The following PRDM5 variants were observed in gnomAD, a reference collection of about 807,000 sequenced individuals.
The protein encoded by PRDM5 is PR/SET domain 5.
A neutral mutation model predicts 81.2 loss-of-function variants in PRDM5; 56 were observed. The ratio of observed to expected loss-of-function variants is 0.69; its 90% confidence interval spans 0.56 to 0.86. The LOEUF (loss-of-function observed/expected upper bound fraction) is 0.86, where lower values mean the gene tolerates loss of function less well. Among genes scored for constraint, PRDM5 ranks in the 40% least tolerant of loss-of-function variants. The pLI, the probability that PRDM5 is intolerant of heterozygous loss-of-function variation, is 0.00. For synonymous variants in PRDM5, 267 were observed against 256.4 expected, an observed-to-expected ratio of 1.04 and a Z score of -0.39; for missense variants, 697 against 770.1, an observed-to-expected ratio of 0.91 and a Z score of 1.12.
In PRDM5 at chr4:120,739,696, C is replaced by A. The variant is rs951905884; in HGVS notation, c.1623+14857G>T. ...ACTTTAAAATTTCACCTTTTACTCT[C>A]AAAGCCTATCAAAATCCAGAGAACC... On this transcript the variant is annotated intron_variant, in intron 14 of 15. Transcript: ENST00000264808. Among the ~76,000 whole-genome samples, 4 of 151,628 alleles carry A rather than the reference C, an allele frequency of 2.6e-5. No homozygotes were observed. In the Admixed American group the frequency reaches 2.6e-4, roughly 10 times the overall value.
At chr4:120,805,624 A>G (rs1016149834) in intron 8 of PRDM5, among the ~76,000 whole-genome samples, 5 of 152,246 alleles carry the variant, frequency 3.3e-5, no homozygotes, top group African/African-American at 1.2e-4. Context: ...CAATAGATAC[A>G]GAAAAGGCCT....
intron 14 of PRDM5, among the ~76,000 whole-genome samples, chr4:120,728,344 T>C (rs1365445189): frequency 6.6e-6 from 1 of 152,152 alleles, no homozygotes; most frequent in Non-Finnish European, 1.5e-5. Context: ...GAAAATGTAT[T>C]TGGGAAATTG....
intron 3 of PRDM5, among the ~76,000 whole-genome samples, chr4:120,849,412 C>T (rs1759013196): frequency 6.6e-6 from 1 of 152,170 alleles, no homozygotes; most frequent in Admixed American, 6.6e-5. Flanking sequence ...TCTAAACTGA[C>T]AGCAGAATTG....
At chr4:120,854,577 CAACA>C (rs1323746818) in intron 2 of PRDM5, among the ~76,000 whole-genome samples, 1 of 152,052 alleles carries the variant, frequency 6.6e-6, no homozygotes, top group Non-Finnish European at 1.5e-5. Flanking sequence ...TTTGTTCATT[CAACA>C]AACAATTATT....
At chr4:120,918,506 A>G (rs1297527679) in intron 1 of PRDM5, among the ~76,000 whole-genome samples, 2 of 152,010 alleles carry the variant, frequency 1.3e-5, no homozygotes, top group Non-Finnish European at 2.9e-5. Flanking sequence ...TTTCCTCTAC[A>G]GGCTTTTATT....
In PRDM5 at chr4:120,754,479, A is replaced by G. The variant is rs904049507; in HGVS notation, c.1623+74T>C. 10 of 1,033,332 alleles carry G rather than the reference A, an allele frequency of 9.7e-6. No homozygotes were observed. In the East Asian group the frequency reaches 2.4e-4, roughly 24 times the overall value. The allele number at this position is 1,033,332 out of a possible 1,614,324, so 64.0% of individuals were successfully genotyped here. A position where few individuals can be genotyped will look rare whatever the true frequency, so the allele number is the denominator to read the frequency against. On this transcript the variant is annotated intron_variant, in intron 14 of 15. Coordinates refer to ENST00000264808, the MANE Select transcript of PRDM5 (RefSeq NM_018699.4). ...GTGTATTGCCTTTATTTTGTAATAT[A>G]AAGTTAAATATATTTCTTTTAAAAT...
intron 8 of PRDM5, among the ~76,000 whole-genome samples, chr4:120,802,802 C>T (rs966341616): frequency 6.6e-6 from 1 of 152,186 alleles, no homozygotes; most frequent in Non-Finnish European, 1.5e-5. Flanking sequence ...CAGAGCGCTT[C>T]TCCCCCTCCA....
At chr4:120,717,408 C>T (rs78290511) in intron 14 of PRDM5, among the ~76,000 whole-genome samples, 4,903 of 152,254 alleles carry the variant, frequency 0.032, 260 homozygotes, top group African/African-American at 0.11. Flanking sequence ...ATGTGCTGCA[C>T]CTTGTAATCT....
At chr4:120,767,409 C>T (rs2149198240) in intron 13 of PRDM5, among the ~76,000 whole-genome samples, 2 of 152,262 alleles carry the variant, frequency 1.3e-5, no homozygotes, top group African/African-American at 4.8e-5. Flanking sequence ...AGTCTTATTT[C>T]CTCTTCATAA....
At chr4:120,840,014 A>G (rs1272023863) in intron 3 of PRDM5, among the ~76,000 whole-genome samples, 1 of 152,180 alleles carries the variant, frequency 6.6e-6, no homozygotes, top group African/African-American at 2.4e-5. Context: ...GACAGCTGGG[A>G]GAAGCCAGGG....
chr4:120,743,034 G>C (rs1329138897), intron 14 of PRDM5, among the ~76,000 whole-genome samples: 1 of 151,552 alleles, frequency 6.6e-6, no homozygotes, highest in Non-Finnish European at 1.5e-5. Flanking sequence ...AGAGAGAAAG[G>C]TCGGGTTACC....
intron 2 of PRDM5, among the ~76,000 whole-genome samples, chr4:120,881,317 G>A (rs997708203): frequency 6.6e-6 from 1 of 152,078 alleles, no homozygotes; most frequent in Admixed American, 6.5e-5. Flanking sequence ...ATAGAGTATT[G>A]GCAAACGGCA....
chr4:120,760,991 C>T (rs1325492177), intron 13 of PRDM5, among the ~76,000 whole-genome samples: 1 of 152,178 alleles, frequency 6.6e-6, no homozygotes, highest in East Asian at 1.9e-4. Context: ...TAGCTAAAGT[C>T]ATTAGCAAAG....
intron 14 of PRDM5, among the ~76,000 whole-genome samples, chr4:120,721,933 G>C (rs1277341992): frequency 6.6e-6 from 1 of 152,230 alleles, no homozygotes; most frequent in African/African-American, 2.4e-5. Flanking sequence ...TGACATGGTG[G>C]GCACGCGGGT....
chr4:120,691,826 A>G (rs1734069994), downstream of PRDM5: 1 of 152,086 alleles, frequency 6.6e-6, no homozygotes, highest in Non-Finnish European at 1.5e-5. Flanking sequence ...TCTTTCATTC[A>G]TCAAAAACAA....
At chr4:120,900,504 C>T (rs1461178326) in intron 2 of PRDM5, among the ~76,000 whole-genome samples, 1 of 152,128 alleles carries the variant, frequency 6.6e-6, no homozygotes, top group Non-Finnish European at 1.5e-5. Context: ...CCTATCTGTT[C>T]TTCATTGGTT....
chr4:120,695,367 A>C lies in PRDM5; in HGVS notation c.1729-92T>G, dbSNP rs1734410110. ...ACTCACACTATTGGCAAAGAAAATT[A>C]ATAAGTTACTGCATTTAATCGGTGT... On this transcript the variant is annotated intron_variant, in intron 15 of 15. Coordinates refer to ENST00000264808, the MANE Select transcript of PRDM5 (RefSeq NM_018699.4). 4 of 1,379,054 alleles carry C rather than the reference A, an allele frequency of 2.9e-6. No individual in the cohort carries two copies. The East Asian group carries it at 9.8e-5, about 34-fold the overall frequency. 85.4% of individuals were successfully genotyped at this position (1,379,054 alleles called of 1,614,324 possible).
At chr4:120,718,233 G>A (rs748261529) in intron 14 of PRDM5, among the ~76,000 whole-genome samples, 1 of 152,114 alleles carries the variant, frequency 6.6e-6, no homozygotes, top group Non-Finnish European at 1.5e-5. Flanking sequence ...TGACCAACCT[G>A]GATTTCATAT....
chr4:120,759,046 C>T (rs1350183305), intron 13 of PRDM5, among the ~76,000 whole-genome samples: 3 of 152,150 alleles, frequency 2.0e-5, no homozygotes, highest in South Asian at 2.1e-4. Context: ...TGAGCCACCA[C>T]GCCCGACCCA....
Sources: gnomAD v4.1 joint callset for allele counts (sites outside exome capture counted in the v4.1 genomes callset) on GRCh38, gnomAD v4.1.1 for gene constraint, MANE v1.5 for transcripts, NCBI Gene and HGNC (gene_info 2026-07-23, HGNC 2026-07-21) for gene names.